Variants in AGBL4 observed in about 807,000 individuals in gnomAD.
AGBL4 encodes AGBL carboxypeptidase 4, also known as cytosolic carboxypeptidase 6.
A neutral mutation model predicts 66.4 loss-of-function variants in AGBL4; 58 were observed. The ratio of observed to expected loss-of-function variants is 0.87; its 90% confidence interval spans 0.71 to 1.09. AGBL4 has a LOEUF of 1.09. Among genes scored for constraint, AGBL4 ranks in the 50% least tolerant of loss-of-function variants. The pLI is 0.00. For missense variants in AGBL4, 579 were observed against 631.0 expected, an observed-to-expected ratio of 0.92 and a Z score of 0.88; for synonymous variants, 234 against 222.9, an observed-to-expected ratio of 1.05 and a Z score of -0.44.
chr1:48,945,074 A>T (rs1414910089), intron 5 of AGBL4, among the ~76,000 whole-genome samples: 1 of 152,134 alleles, frequency 6.6e-6, no homozygotes, highest in Non-Finnish European at 1.5e-5. Flanking sequence ...TTGAGAGTGG[A>T]GAGGCACTGG....
Position 48,681,533 on chromosome 1 carries a change from C to T in AGBL4, c.635-18292G>A, listed in dbSNP as rs568653647. Among the ~76,000 whole-genome samples, 6 of 152,304 alleles carry T rather than the reference C, an allele frequency of 3.9e-5. No individual in the cohort carries two copies. The South Asian group carries it at 1.2e-3, about 32-fold the overall frequency. ...CAGTACCACAGGACTCCAGAGCCCT[C>T]AGTGGCAGCAGGATATCATGACGGT... On this transcript the variant is annotated intron_variant, in intron 6 of 13. Transcript: ENST00000371839.
intron 3 of AGBL4, among the ~76,000 whole-genome samples, chr1:49,551,913 G>A (rs568834939): frequency 9.9e-4 from 151 of 152,300 alleles, no homozygotes; most frequent in African/African-American, 3.5e-3. Flanking sequence ...AGGACCATCA[G>A]GTGGAGGCAC....
chr1:49,484,623 G>A (rs1329420270), intron 3 of AGBL4, among the ~76,000 whole-genome samples: 1 of 151,912 alleles, frequency 6.6e-6, no homozygotes, highest in Non-Finnish European at 1.5e-5. Flanking sequence ...GCGGTACAGG[G>A]ATGGGGTGGG....
intron 1 of AGBL4, among the ~76,000 whole-genome samples, chr1:49,880,200 G>C (rs1174644737): frequency 6.6e-6 from 1 of 151,824 alleles, no homozygotes; most frequent in African/African-American, 2.4e-5. Flanking sequence ...TCCGTTGCTG[G>C]TGAGGAACTG....
At chr1:49,222,792 T>G (rs932180352) in intron 4 of AGBL4, among the ~76,000 whole-genome samples, 28 of 152,178 alleles carry the variant, frequency 1.8e-4, no homozygotes, top group African/African-American at 6.8e-4. Context: ...TAAATAACCA[T>G]CCAAAAGTAC....
At chr1:48,838,275 C>T (rs951393713) in intron 6 of AGBL4, among the ~76,000 whole-genome samples, 2 of 152,020 alleles carry the variant, frequency 1.3e-5, no homozygotes, top group Non-Finnish European at 2.9e-5. Context: ...CATCACATTA[C>T]CTGACATCAA....
At chr1:48,702,744 G>A (rs1187823962) in intron 6 of AGBL4, among the ~76,000 whole-genome samples, 1 of 152,192 alleles carries the variant, frequency 6.6e-6, no homozygotes, top group Non-Finnish European at 1.5e-5. Context: ...TGGAGGTAGT[G>A]CATGCTGCAG....
intron 5 of AGBL4, among the ~76,000 whole-genome samples, chr1:49,020,930 T>C (rs1330583963): frequency 3.9e-5 from 6 of 152,186 alleles, no homozygotes; most frequent in African/African-American, 1.4e-4. Flanking sequence ...CTCAGGGAAG[T>C]AAGGGCAGGA....
chr1:48,923,151 G>C (rs1654238962), intron 5 of AGBL4, among the ~76,000 whole-genome samples: 1 of 151,914 alleles, frequency 6.6e-6, no homozygotes, highest in Non-Finnish European at 1.5e-5. Context: ...TCCTGGGATA[G>C]AAAAGGCTGA....
chr1:48,829,002 G>C (rs556409198), intron 6 of AGBL4, among the ~76,000 whole-genome samples: 1 of 152,282 alleles, frequency 6.6e-6, no homozygotes, highest in Non-Finnish European at 1.5e-5. Context: ...GGGTTGTTGA[G>C]ATAGAATAGA....
intron 3 of AGBL4, among the ~76,000 whole-genome samples, chr1:49,550,116 G>T (rs1022644360): frequency 5.9e-5 from 9 of 152,076 alleles, no homozygotes; most frequent in African/African-American, 2.2e-4. Context: ...GCTTACATTT[G>T]GTGTTCATAT....
intron 3 of AGBL4, among the ~76,000 whole-genome samples, chr1:49,603,395 G>A (rs1644999030): frequency 6.6e-6 from 1 of 151,878 alleles, no homozygotes; most frequent in Non-Finnish European, 1.5e-5. Flanking sequence ...TGTGGTGGTG[G>A]GCACCTGTAG....
At chr1:49,156,267 A>T (rs1646427801) in intron 4 of AGBL4, among the ~76,000 whole-genome samples, 2 of 152,168 alleles carry the variant, frequency 1.3e-5, no homozygotes, top group Admixed American at 1.3e-4. Context: ...CCCGATGCTA[A>T]CACAAGAGAT....
At chr1:49,904,605 T>C (rs895935427) in intron 1 of AGBL4, among the ~76,000 whole-genome samples, 2 of 152,206 alleles carry the variant, frequency 1.3e-5, no homozygotes, top group African/African-American at 4.8e-5. Flanking sequence ...CCTTCAATGG[T>C]ACCTGTAGCA....
intron 6 of AGBL4, among the ~76,000 whole-genome samples, chr1:48,666,306 A>G (rs1223540628): frequency 6.6e-6 from 1 of 152,204 alleles, no homozygotes; most frequent in African/African-American, 2.4e-5. Context: ...GGACAGATGA[A>G]GAAGAAAGTA....
At chr1:49,292,235 G>A (rs978852933) in intron 3 of AGBL4, among the ~76,000 whole-genome samples, 6 of 152,214 alleles carry the variant, frequency 3.9e-5, no homozygotes, top group Non-Finnish European at 7.3e-5. Flanking sequence ...GCATAGGAAG[G>A]AAGCCATGGC....
At chr1:48,875,888 T>C (rs1195107168) in intron 5 of AGBL4, among the ~76,000 whole-genome samples, 2 of 152,156 alleles carry the variant, frequency 1.3e-5, no homozygotes, top group Admixed American at 1.3e-4. Context: ...CTCAAACCCA[T>C]ACTGATTGCC....
At chr1:48,957,447 G>A (rs530518124) in intron 5 of AGBL4, among the ~76,000 whole-genome samples, 2 of 152,254 alleles carry the variant, frequency 1.3e-5, no homozygotes, top group African/African-American at 4.8e-5. Flanking sequence ...TACTGTACAT[G>A]TGTGACATTC....
At chr1:49,342,363 AT>A (rs555215913) in intron 3 of AGBL4, among the ~76,000 whole-genome samples, 188 of 152,260 alleles carry the variant, frequency 1.2e-3, no homozygotes, top group African/African-American at 4.3e-3. Flanking sequence ...GCCGAAAACA[AT>A]TATAAAAAGC....
Sources: gnomAD v4.1 joint callset for allele counts (sites outside exome capture counted in the v4.1 genomes callset) on GRCh38, gnomAD v4.1.1 for gene constraint, MANE v1.5 for transcripts, NCBI Gene and HGNC (gene_info 2026-07-23, HGNC 2026-07-21) for gene names.